The following SLCO6A1 variants were observed in gnomAD, a reference collection of about 807,000 sequenced individuals.
SLCO6A1 encodes solute carrier organic anion transporter family member 6A1.
In SLCO6A1, 65 loss-of-function variants were observed where a neutral mutation model predicts 72.7. The observed-to-expected ratio is 0.89, with a 90% CI of 0.73 to 1.10. The LOEUF is 1.10. SLCO6A1 is among the 50% of genes least tolerant of loss of function. SLCO6A1 has a pLI of 0.00. For synonymous variants in SLCO6A1, 314 were observed against 298.2 expected, an observed-to-expected ratio of 1.05 and a Z score of -0.55; for missense variants, 874 against 872.6, an observed-to-expected ratio of 1.00 and a Z score of -0.02.
At chr5:102,459,891 G>C in intron 4 of SLCO6A1, 114 bp from the exon 5 acceptor site, 3 of 819,312 alleles carry the variant, frequency 3.7e-6, no homozygotes, top group Non-Finnish European at 3.6e-6. Flanking sequence ...TGGAGAGTGA[G>C]ACAGAAATGG....
chr5:102,446,262 A>G (rs114078615), intron 6 of SLCO6A1, among the ~76,000 whole-genome samples: 12 of 152,290 alleles, frequency 7.9e-5, no homozygotes, highest in Non-Finnish European at 1.6e-4. Flanking sequence ...AGTGTTTTAT[A>G]GTTCTCCTTG....
intron 1 of SLCO6A1, among the ~76,000 whole-genome samples, chr5:102,483,975 A>T (rs1752328269): frequency 6.6e-6 from 1 of 152,216 alleles, no homozygotes; most frequent in African/African-American, 2.4e-5. Context: ...GCTAAAAATA[A>T]TAAGAGTTTC....
At chr5:102,482,316 T>C (rs2112836659) in intron 1 of SLCO6A1, among the ~76,000 whole-genome samples, 1 of 152,300 alleles carries the variant, frequency 6.6e-6, no homozygotes, top group East Asian at 1.9e-4. Flanking sequence ...TATGACATAT[T>C]TGTGTGTGAA....
At chr5:102,428,400 A>G (rs1749034135) in intron 7 of SLCO6A1, among the ~76,000 whole-genome samples, 1 of 152,164 alleles carries the variant, frequency 6.6e-6, no homozygotes, top group Non-Finnish European at 1.5e-5. Context: ...GTACACTCCA[A>G]CTACTGAGAA....
intron 6 of SLCO6A1, among the ~76,000 whole-genome samples, chr5:102,454,899 G>C (rs1750619458): frequency 6.7e-6 from 1 of 150,368 alleles, no homozygotes; most frequent in South Asian, 2.1e-4. Context: ...GATGGTTTAT[G>C]ATTTGATTAA....
chr5:102,403,815 A>G (rs1384635707), intron 9 of SLCO6A1, among the ~76,000 whole-genome samples: 4 of 152,180 alleles, frequency 2.6e-5, no homozygotes, highest in African/African-American at 9.6e-5. Context: ...TAATCTAGAT[A>G]CTGCAAATAA....
At position 102,464,158 on chromosome 5, in the gene SLCO6A1, CA is replaced by C. The variant is rs145139676; in HGVS notation, c.900-4382del. On this transcript the variant is annotated intron_variant, in intron 4 of 13. Coordinates refer to ENST00000506729, the MANE Select transcript of SLCO6A1 (RefSeq NM_173488.5). ...ACCACTAAAGAACTTATTCAGGTAACAAAAAAAAACACCTGTTCCCCAAAAA... is the reference window on the plus strand; with the variant it reads ...ACCACTAAAGAACTTATTCAGGTAACAAAAAAAACACCTGTTCCCCAAAAA... Among the ~76,000 whole-genome samples the C allele has an allele frequency of 2.4e-4, 36 of 148,334 alleles. 1 individual carries two copies. The highest frequency in any genetic ancestry group is 7.4e-4 in the Admixed American group (11 of 14,904).
chr5:102,412,797 T>G (rs1748060046), intron 9 of SLCO6A1, among the ~76,000 whole-genome samples, 193 bp downstream of exon 9: 2 of 151,866 alleles, frequency 1.3e-5, no homozygotes, highest in Admixed American at 1.3e-4. Context: ...AAAACAAATT[T>G]TATTTTCTTG....
intron 9 of SLCO6A1, among the ~76,000 whole-genome samples, chr5:102,409,537 T>A (rs529472843): frequency 6.6e-6 from 1 of 152,262 alleles, no homozygotes; most frequent in East Asian, 1.9e-4. Flanking sequence ...GCTTATTCTA[T>A]CCATTAATCG....
chr5:102,378,960 T>C (rs1311813356), intron 12 of SLCO6A1, among the ~76,000 whole-genome samples: 1 of 152,084 alleles, frequency 6.6e-6, no homozygotes, highest in Non-Finnish European at 1.5e-5. Context: ...TTTGTGTTTT[T>C]AGTAGAGATG....
chr5:102,494,588 A>T (rs1326576114), intron 1 of SLCO6A1, among the ~76,000 whole-genome samples: 1 of 152,212 alleles, frequency 6.6e-6, no homozygotes, highest in East Asian at 1.9e-4. Context: ...GAAACAACCC[A>T]ATTTATTAAA....
intron 1 of SLCO6A1, among the ~76,000 whole-genome samples, chr5:102,495,899 A>C (rs1178715101): frequency 1.3e-5 from 2 of 152,200 alleles, no homozygotes; most frequent in Non-Finnish European, 2.9e-5. Context: ...TCAAGGACAT[A>C]AGAAACAAGA....
chr5:102,453,030 T>C (rs1448623692), intron 6 of SLCO6A1, among the ~76,000 whole-genome samples: 1 of 152,208 alleles, frequency 6.6e-6, no homozygotes, highest in Non-Finnish European at 1.5e-5. Context: ...TTTTTAGTTT[T>C]ATTATTTTCC....
At position 102,498,926 on chromosome 5, in the gene SLCO6A1, C is replaced by T; in HGVS notation, c.-82G>A. 1 of 1,349,808 alleles carries T rather than the reference C, an allele frequency of 7.4e-7. No individual in the cohort carries two copies. Among genetic ancestry groups the T allele is most frequent in the Admixed American group, 2.2e-5 (1 of 45,144 alleles). 83.6% of individuals were successfully genotyped at this position (1,349,808 alleles called of 1,614,324 possible). A position where few individuals can be genotyped will look rare whatever the true frequency, so the allele number is the denominator to read the frequency against. ...TGCCTGGGCCAACCCAAAGGCCAGC[C>T]TGGCGAGGGCGTCGGAGGACTCGGT... is the stretch of plus-strand genomic sequence containing the variant. On this transcript the variant is annotated 5_prime_UTR_variant, in exon 1 of 14. Coordinates refer to ENST00000506729, the MANE Select transcript of SLCO6A1 (RefSeq NM_173488.5).
chr5:102,388,919 C>T, intron 11 of SLCO6A1, 94 bp from the exon 12 acceptor site: 1 of 1,099,702 alleles, frequency 9.1e-7, no homozygotes, highest in Non-Finnish European at 1.3e-6. Context: ...AATGACGACT[C>T]ATCATTCAAA....
At chr5:102,422,378 A>G (rs1301019129) in intron 7 of SLCO6A1, among the ~76,000 whole-genome samples, 1 of 152,220 alleles carries the variant, frequency 6.6e-6, no homozygotes, top group Non-Finnish European at 1.5e-5. Context: ...AAACCTTGAT[A>G]AATGGTTACA....
chr5:102,392,534 A>G (rs907726592), intron 10 of SLCO6A1, among the ~76,000 whole-genome samples: 1 of 152,114 alleles, frequency 6.6e-6, no homozygotes, highest in African/African-American at 2.4e-5. Flanking sequence ...GTATTTATGT[A>G]TCTTCAGTTT....
chr5:102,432,822 C>T (rs750851032), intron 7 of SLCO6A1, among the ~76,000 whole-genome samples: 1 of 152,166 alleles, frequency 6.6e-6, no homozygotes, highest in Non-Finnish European at 1.5e-5. Flanking sequence ...GTCCTCTCTA[C>T]ATAGGTTGTG....
At chr5:102,384,654 A>G (rs1209402753) in intron 12 of SLCO6A1, among the ~76,000 whole-genome samples, 1 of 152,064 alleles carries the variant, frequency 6.6e-6, no homozygotes, top group East Asian at 1.9e-4. Flanking sequence ...TTCATCCCAC[A>G]TTTACTTAAC....
Sources: allele counts gnomAD v4.1 joint callset (sites outside exome capture counted in the v4.1 genomes callset), GRCh38; gene constraint gnomAD v4.1.1; transcripts MANE v1.5; gene names NCBI Gene and HGNC (gene_info 2026-07-23, HGNC 2026-07-21).